The following APBA2 variants were observed in gnomAD, a reference collection of about 807,000 sequenced individuals.
The protein encoded by APBA2 is amyloid-beta A4 precursor protein-binding family A member 2.
A neutral mutation model predicts 75.0 loss-of-function variants in APBA2; 30 were observed. The observed-to-expected ratio is 0.40, with a 90% CI of 0.30 to 0.54. The LOEUF is 0.54. Among genes scored for constraint, APBA2 ranks in the 20% least tolerant of loss-of-function variants. The pLI is 0.49. For missense variants in APBA2, 801 were observed against 1,016.1 expected, an observed-to-expected ratio of 0.79 and a Z score of 2.88; for synonymous variants, 444 against 409.6, an observed-to-expected ratio of 1.08 and a Z score of -1.01.
intron 6 of APBA2, among the ~76,000 whole-genome samples, chr15:29,076,948 C>T (rs2042877496): frequency 6.6e-6 from 1 of 152,150 alleles, no homozygotes; most frequent in Admixed American, 6.5e-5. Context: ...TAGTTTGAAC[C>T]AGGCTAATCC....
chr15:28,931,593 T>A (rs2034568929), intron 2 of APBA2, among the ~76,000 whole-genome samples: 1 of 152,152 alleles, frequency 6.6e-6, no homozygotes, highest in African/African-American at 2.4e-5. Context: ...AGCATCTGGC[T>A]TTGCACAGGT....
At position 29,074,945 on chromosome 15, in the gene APBA2, A is replaced by G. The variant is rs138616031; in HGVS notation, c.976A>G (p.Arg326Gly). The G allele has an allele frequency of 1.2e-5, 19 of 1,614,084 alleles. No individual in the cohort carries two copies. Among genetic ancestry groups the G allele is most frequent in the Admixed American group, 1.7e-5 (1 of 60,010 alleles). Reference sequence around the variant, plus strand: ...GGTTTGCAATGGTCTGGAGCAGCCAAGGAAGCAGCAGCGCTCTGATCTCAA... The same window carrying G: ...GGTTTGCAATGGTCTGGAGCAGCCAGGGAAGCAGCAGCGCTCTGATCTCAA... ...EQVCNGLEQP[R>G]KQQRSDLNGP... Residue 326 changes from arginine (R) to glycine (G), a missense_variant, in exon 5 of 15, where the codon AGG (arginine) becomes GGG (glycine). Transcript: ENST00000683413.
At chr15:28,940,230 A>G (rs1595511599) in intron 2 of APBA2, among the ~76,000 whole-genome samples, 2 of 152,064 alleles carry the variant, frequency 1.3e-5, no homozygotes, top group Admixed American at 1.3e-4. Flanking sequence ...AAGCCTCGGG[A>G]GGCTGGGCGT....
At chr15:29,107,761 C>T (rs1055193410) in intron 12 of APBA2, among the ~76,000 whole-genome samples, 7 of 152,166 alleles carry the variant, frequency 4.6e-5, no homozygotes, top group South Asian at 2.1e-4. Context: ...GGCGGCCTGG[C>T]GCACCCGCTG....
At chr15:28,930,785 C>G (rs1008753991) in intron 2 of APBA2, among the ~76,000 whole-genome samples, 1 of 152,176 alleles carries the variant, frequency 6.6e-6, no homozygotes, top group Admixed American at 6.5e-5. Flanking sequence ...CTCTTCCCTG[C>G]GACCTGTGGG....
At chr15:29,088,744 T>C (rs1174694356) in intron 6 of APBA2, among the ~76,000 whole-genome samples, 1 of 152,172 alleles carries the variant, frequency 6.6e-6, no homozygotes, top group African/African-American at 2.4e-5. Flanking sequence ...CCCTGATGGA[T>C]ACCCTGGAGT....
At chr15:29,015,577 T>C (rs978485323) in intron 3 of APBA2, among the ~76,000 whole-genome samples, 2 of 152,204 alleles carry the variant, frequency 1.3e-5, no homozygotes, top group African/African-American at 4.8e-5. Flanking sequence ...GGAGAACTTA[T>C]TATCAAGTCA....
chr15:29,116,649 G>A (rs2045183106), intron 14 of APBA2, among the ~76,000 whole-genome samples: 1 of 151,852 alleles, frequency 6.6e-6, no homozygotes, highest in Non-Finnish European at 1.5e-5. Flanking sequence ...AAAAAGAAGG[G>A]GTGCGTGTGT....
intron 2 of APBA2, among the ~76,000 whole-genome samples, chr15:28,969,184 T>TTTCTTTCTTTC (rs2036928234): frequency 2.6e-5 from 2 of 76,260 alleles, no homozygotes; most frequent in Non-Finnish European, 7.2e-5. Context: ...TTCTTTCTTT[T>TTTCTTTCTTTC]TTTTATTTTT....
chr15:29,108,547 T>A, intron 13 of APBA2, 158 bp downstream of exon 13: 1 of 1,148,714 alleles, frequency 8.7e-7, no homozygotes, highest in African/African-American at 1.5e-5. Flanking sequence ...GCAGGAACTT[T>A]CCATGGCTCT....
At chr15:28,996,067 A>G (rs2038500807) in intron 3 of APBA2, among the ~76,000 whole-genome samples, 1 of 152,088 alleles carries the variant, frequency 6.6e-6, no homozygotes, top group Admixed American at 6.6e-5. Flanking sequence ...CCCAATGACA[A>G]CACAGCAAGA....
intron 3 of APBA2, among the ~76,000 whole-genome samples, chr15:29,040,007 G>C (rs1345914288): frequency 6.6e-6 from 1 of 152,196 alleles, no homozygotes; most frequent in East Asian, 1.9e-4. Flanking sequence ...AAATAGCACA[G>C]TGGGCAGAGG....
Position 29,054,871 on chromosome 15 carries a change from G to T in APBA2, c.951+36G>T. 6.4e-7 allele frequency: 1 copy of T among 1,573,120 alleles called. No individual in the cohort carries two copies. The highest frequency in any genetic ancestry group is 2.3e-5 in the East Asian group (1 of 44,234). ...GGCTGTCCTGGGGAAGGGAGCAGAGGGGCCCGAGAGCAAGGGACCTCAGGG... is the reference window on the plus strand; with the variant it reads ...GGCTGTCCTGGGGAAGGGAGCAGAGTGGCCCGAGAGCAAGGGACCTCAGGG... On this transcript the variant is annotated intron_variant, in intron 4 of 14. Coordinates refer to ENST00000683413, the MANE Select transcript of APBA2 (RefSeq NM_001353788.2). This position sits in a 1 kb window ranked among gnomAD's most constrained non-coding sequence, Gnocchi z 6.1.
chr15:29,002,153 A>G (rs2038881791), intron 3 of APBA2, among the ~76,000 whole-genome samples: 1 of 152,212 alleles, frequency 6.6e-6, no homozygotes, highest in South Asian at 2.1e-4. Flanking sequence ...ATTTCTTTTA[A>G]CCTGTCATTT....
At chr15:28,989,476 GC>G (rs1296744463) in intron 2 of APBA2, among the ~76,000 whole-genome samples, 1 of 152,220 alleles carries the variant, frequency 6.6e-6, no homozygotes, top group African/African-American at 2.4e-5. Context: ...GCCACACGGG[GC>G]TGTATGCACA....
chr15:28,974,263 G>C (rs2152756979), intron 2 of APBA2, among the ~76,000 whole-genome samples: 1 of 152,324 alleles, frequency 6.6e-6, no homozygotes, highest in South Asian at 2.1e-4. Flanking sequence ...AATGCTAAAG[G>C]CTGCAATTTG....
chr15:29,079,799 A>G (rs1261226637), intron 6 of APBA2, among the ~76,000 whole-genome samples: 1 of 152,188 alleles, frequency 6.6e-6, no homozygotes, highest in Non-Finnish European at 1.5e-5. Context: ...GCCTTATTTC[A>G]TATCAGATAA....
chr15:29,045,227 C>T (rs997569420), intron 3 of APBA2, among the ~76,000 whole-genome samples: 9 of 151,246 alleles, frequency 6.0e-5, no homozygotes, highest in Non-Finnish European at 7.4e-5. Flanking sequence ...TACAGGTGCA[C>T]GCCACCATGC....
rs138716309 is a variant in APBA2, at chr15:29,071,826, G to T, written c.952-3095G>T. Among the ~76,000 whole-genome samples, 727 of 152,040 alleles carry T rather than the reference G, an allele frequency of 4.8e-3. 10 individuals are homozygous for T. Among genetic ancestry groups the T allele is most frequent in the African/African-American group, 0.014 (593 of 41,454 alleles). ...CAAGTGGACACCCGCTTGGGAGGGAGATAGAGGAAACGCTGTTATGGAGGA... is the reference window on the plus strand; with the variant it reads ...CAAGTGGACACCCGCTTGGGAGGGATATAGAGGAAACGCTGTTATGGAGGA... On this transcript the variant is annotated intron_variant, in intron 4 of 14. Coordinates refer to ENST00000683413, the MANE Select transcript of APBA2 (RefSeq NM_001353788.2).
Sources: gnomAD v4.1 joint callset for allele counts (sites outside exome capture counted in the v4.1 genomes callset) on GRCh38, gnomAD v4.1.1 for gene constraint, Gnocchi (gnomAD v3.1) non-coding constraint, MANE v1.5 for transcripts, NCBI Gene and HGNC (gene_info 2026-07-23, HGNC 2026-07-21) for gene names.